Variants in PAQR3 observed in about 807,000 individuals in gnomAD.
PAQR3 encodes the protein progestin and adipoQ receptor family member 3.
In PAQR3, 39 loss-of-function variants were observed where a neutral mutation model predicts 41.7. The observed-to-expected ratio is 0.93, with a 90% CI of 0.72 to 1.22. PAQR3 has a LOEUF of 1.22. Among genes scored for constraint, PAQR3 ranks in the 50% most tolerant of loss-of-function variants. The pLI is 0.00. For missense variants in PAQR3, 366 were observed against 385.6 expected (o/e 0.95, Z 0.42); for synonymous variants, 140 against 140.6 (o/e 1.00, Z 0.03).
Position 78,923,674 on chromosome 4 carries a change from A to G in PAQR3, c.793+183T>C, listed in dbSNP as rs571246483. ...ACACCACCTACTGGACTCAACTCAC[A>G]TGATCAGGATGAAAGGAAAAGTGAA... is the stretch of plus-strand genomic sequence containing the variant. On this transcript the variant is annotated intron_variant, in intron 5 of 5. Transcript: ENST00000512733. 22 of 611,026 alleles carry G rather than the reference A, an allele frequency of 3.6e-5. No individual in the cohort carries two copies. In the African/African-American group the frequency reaches 4.1e-4, roughly 11 times the overall value. 37.9% of individuals were successfully genotyped at this position (611,026 alleles called of 1,614,324 possible). A position where few individuals can be genotyped will look rare whatever the true frequency, so the allele number is the denominator to read the frequency against.
Position 78,928,165 on chromosome 4 carries a change from A to G in PAQR3, c.505-1447T>C, listed in dbSNP as rs1001838923. On this transcript the variant is annotated intron_variant, in intron 3 of 5. Coordinates refer to ENST00000512733, the MANE Select transcript of PAQR3 (RefSeq NM_001040202.2). Reference sequence around the variant, plus strand: ...GACATTTAGCAAGAGGTAAACAGAAAACAGTTTCAGAGAAATACAGAATAA... The same window carrying G: ...GACATTTAGCAAGAGGTAAACAGAAGACAGTTTCAGAGAAATACAGAATAA... Among the ~76,000 whole-genome samples, 4 of 152,244 alleles carry G rather than the reference A, an allele frequency of 2.6e-5. No individual in the cohort carries two copies. The East Asian group carries it at 7.7e-4, about 29-fold the overall frequency.
At chr4:78,911,552 C>G (rs12507099), downstream of PAQR3, 149,347 of 1,613,972 alleles carry the variant, frequency 0.093, 8,220 homozygotes, top group East Asian at 0.25. Context: ...GGCACGCCAA[C>G]TAGCACAAAG....
At chr4:78,923,132 TGTA>T in intron 5 of PAQR3, 1 of 352,376 alleles carries the variant, frequency 2.8e-6, no homozygotes, top group Non-Finnish European at 5.6e-6. Context: ...ACCCTTTTGA[TGTA>T]CATATTGTGA....
intron 1 of PAQR3, among the ~76,000 whole-genome samples, chr4:78,936,284 G>T (rs894925370): frequency 6.6e-6 from 1 of 152,146 alleles, no homozygotes; most frequent in African/African-American, 2.4e-5. Context: ...GCAAAATCTC[G>T]TATTTTTGCT....
intron 11 of PAQR3, among the ~76,000 whole-genome samples, chr4:78,891,095 C>A (rs537683715): frequency 1.3e-5 from 2 of 152,216 alleles, no homozygotes; most frequent in Admixed American, 1.3e-4. Context: ...TAAACTGATA[C>A]CTGATTGATA....
At chr4:78,910,272 TAGC>T (rs911437256), downstream of PAQR3, among the ~76,000 whole-genome samples, 1 of 152,232 alleles carries the variant, frequency 6.6e-6, no homozygotes, top group Non-Finnish European at 1.5e-5. Flanking sequence ...CTTTCAGAAT[TAGC>T]AGAATAATGT....
At chr4:78,890,627 T>C (rs1733383939) in intron 11 of PAQR3, among the ~76,000 whole-genome samples, 1 of 152,228 alleles carries the variant, frequency 6.6e-6, no homozygotes, top group Non-Finnish European at 1.5e-5. Flanking sequence ...GCTTAGTTTT[T>C]TATGTACCCT....
chr4:78,927,191 T>C (rs1185062356), intron 3 of PAQR3, among the ~76,000 whole-genome samples: 3 of 152,112 alleles, frequency 2.0e-5, no homozygotes, highest in Non-Finnish European at 4.4e-5. Context: ...AGAGATGACA[T>C]CTAAGATTTT....
chr4:78,933,679 C>T (rs1462123831), intron 2 of PAQR3, among the ~76,000 whole-genome samples: 2 of 152,092 alleles, frequency 1.3e-5, no homozygotes, highest in Non-Finnish European at 2.9e-5. Flanking sequence ...ATTTTACTGC[C>T]CTGCTGAATA....
At chr4:78,925,841 C>T (rs1736136887) in intron 4 of PAQR3, among the ~76,000 whole-genome samples, 1 of 152,130 alleles carries the variant, frequency 6.6e-6, no homozygotes, top group Non-Finnish European at 1.5e-5. Context: ...TATTTCTAAT[C>T]CTTTTCTCAA....
At chr4:78,907,299 G>A (rs1450354933), downstream of PAQR3, among the ~76,000 whole-genome samples, 1 of 152,168 alleles carries the variant, frequency 6.6e-6, no homozygotes, top group Non-Finnish European at 1.5e-5. Flanking sequence ...AACAGAATGA[G>A]AAGTATAAAG....
At position 78,920,694 on chromosome 4, in the gene PAQR3, T is replaced by C. The variant is rs962294257; in HGVS notation, c.794-13A>G. 6.9e-6 allele frequency: 11 copies of C among 1,593,976 alleles called. No individual in the cohort carries two copies. The Admixed American group carries it at 1.6e-4, about 23-fold the overall frequency. ...TAGTTTAGTTGTCCTGGAAAGAAGG[T>C]AGAAAGAAAATGATAATGATTTCAA... is the stretch of plus-strand genomic sequence containing the variant. On this transcript the variant is annotated splice_polypyrimidine_tract_variant and intron_variant, in intron 5 of 5. Transcript: ENST00000512733.
Position 78,939,346 on chromosome 4 carries a change from G to T in PAQR3, c.-122C>A. ...CGCGGACGCTGCGCGAGGTCCTACC[G>T]CGCTGCCGCTGCTGCCCAGGGCCCG... On this transcript the variant is annotated 5_prime_UTR_variant, in exon 1 of 6. Coordinates refer to ENST00000512733, the MANE Select transcript of PAQR3 (RefSeq NM_001040202.2). 2 of 869,260 alleles carry T rather than the reference G, an allele frequency of 2.3e-6. No homozygotes were observed. Among genetic ancestry groups the T allele is most frequent in the Non-Finnish European group, 3.2e-6 (2 of 631,348 alleles). The allele number at this position is 869,260 out of a possible 1,614,324, so 53.8% of individuals were successfully genotyped here.
rs1454735371 is a variant in PAQR3 at position 78,915,864 on chromosome 4, GCT to G, written c.*4673_*4674del. On this transcript the variant is annotated 3_prime_UTR_variant, in exon 6 of 6. Coordinates refer to ENST00000512733, the MANE Select transcript of PAQR3 (RefSeq NM_001040202.2). Reference sequence around the variant, plus strand: ...TTGAAAGAATTGTTTTTATGACTATGCTCTTTTTGTGATTGAAAAGTCATCTA... The same window carrying G: ...TTGAAAGAATTGTTTTTATGACTATGCTTTTTGTGATTGAAAAGTCATCTA... 7.2e-5 allele frequency: 11 copies of G among 151,830 alleles called. No homozygotes were observed. Among genetic ancestry groups the G allele is most frequent in the African/African-American group, 2.4e-5 (1 of 41,388 alleles). The allele number at this position is 151,830 out of a possible 1,614,324, so 9.4% of individuals were successfully genotyped here. A position where few individuals can be genotyped will look rare whatever the true frequency, so the allele number is the denominator to read the frequency against.
chr4:78,922,141 C>A, intron 5 of PAQR3: 3 of 1,020,748 alleles, frequency 2.9e-6, no homozygotes, highest in East Asian at 1.7e-4. Flanking sequence ...TATATTTTAC[C>A]AGAATTGTTT....
At chr4:78,923,828 T>C in intron 5 of PAQR3, 29 bp downstream of exon 5, 6 of 1,476,676 alleles carry the variant, frequency 4.1e-6, no homozygotes, top group East Asian at 2.3e-5. Flanking sequence ...AGACTAACAA[T>C]ACAAAACTGC....
At chr4:78,931,223 C>T (rs1417594876) in intron 2 of PAQR3, among the ~76,000 whole-genome samples, 1 of 141,102 alleles carries the variant, frequency 7.1e-6, no homozygotes, top group East Asian at 2.1e-4. Context: ...TTGGGCATGG[C>T]GGCATGCACC....
rs1241502826 is a variant in PAQR3, at chr4:78,919,127, A to T, written c.*1412T>A. On this transcript the variant is annotated 3_prime_UTR_variant, in exon 6 of 6. Coordinates refer to ENST00000512733, the MANE Select transcript of PAQR3 (RefSeq NM_001040202.2). ...CAACATTTTACTGATGTATTAACTG[A>T]GGCACATTAGTGACTTTCCAAGTAT... is the stretch of plus-strand genomic sequence containing the variant. 2.0e-6 allele frequency: 2 copies of T among 984,912 alleles called. No individual in the cohort carries two copies. The highest frequency in any genetic ancestry group is 2.4e-6 in the Non-Finnish European group (2 of 829,684). The allele number at this position is 984,912 out of a possible 1,614,324, so 61.0% of individuals were successfully genotyped here. A position where few individuals can be genotyped will look rare whatever the true frequency, so the allele number is the denominator to read the frequency against.
intron 3 of PAQR3, among the ~76,000 whole-genome samples, chr4:78,928,480 C>A (rs1050569594): frequency 1.3e-5 from 2 of 152,190 alleles, no homozygotes; most frequent in African/African-American, 4.8e-5. Flanking sequence ...GTATTCAAAT[C>A]AAATTTATGA....
Sources: allele counts gnomAD v4.1 joint callset (sites outside exome capture counted in the v4.1 genomes callset), GRCh38; gene constraint gnomAD v4.1.1; transcripts MANE v1.5; gene names NCBI Gene and HGNC (gene_info 2026-07-23, HGNC 2026-07-21).